WHRN: variants seen among roughly 807,000 people sequenced by gnomAD.
The protein encoded by WHRN is whirlin.
WHRN carries 41 observed loss-of-function variants against 68.3 expected under a neutral mutation model. The ratio of observed to expected loss-of-function variants is 0.60; its 90% CI spans 0.47 to 0.78. The LOEUF (loss-of-function observed/expected upper bound fraction) is 0.78. Ranked by LOEUF, WHRN falls within the 30% of genes least tolerant of loss-of-function variation. The pLI, the probability that WHRN is intolerant of heterozygous loss-of-function variation, is 0.00. For synonymous variants in WHRN, 560 were observed against 561.3 expected, an observed-to-expected ratio of 1.00 and a Z score of 0.03; for missense variants, 1,243 against 1,244.7, an observed-to-expected ratio of 1.00 and a Z score of 0.02.
intron 7 of WHRN, among the ~76,000 whole-genome samples, chr9:114,415,057 G>A (rs926305325): frequency 4.6e-5 from 7 of 152,194 alleles, no homozygotes; most frequent in African/African-American, 1.7e-4. Context: ...AGCACTTTGA[G>A]AGGCCAAGGC....
In WHRN at chr9:114,478,750, G is replaced by A; in HGVS notation, c.640C>T (p.Leu214=). ...CCTGCTGAGTACACAGACAGCACCA[G>A]CTTCTTGGAGCCCTTCAGAGCCTAG... ...AVKALKGSKK[L]VLSVYSAGRI... Residue 214 remains leucine (L), a synonymous_variant, in exon 2 of 12, where the codon CTG becomes TTG. Transcript: ENST00000362057. 1 of 1,612,138 alleles carries A rather than the reference G, an allele frequency of 6.2e-7. No individual in the cohort carries two copies. The highest frequency in any genetic ancestry group is 1.6e-4 in the Middle Eastern group (1 of 6,062).
At chr9:114,478,826 G>A in intron 1 of WHRN, 55 bp from the exon 2 acceptor site, 1 of 1,524,336 alleles carries the variant, frequency 6.6e-7, no homozygotes, top group Non-Finnish European at 8.9e-7. Flanking sequence ...GGGTGTGGAG[G>A]AACACCCTCC....
intron 1 of WHRN, among the ~76,000 whole-genome samples, chr9:114,502,447 C>G (rs1844010605): frequency 6.6e-6 from 1 of 151,916 alleles, no homozygotes; most frequent in Non-Finnish European, 1.5e-5. Flanking sequence ...GCTGGTGCTG[C>G]TCTGAGTCAC....
intron 3 of WHRN, among the ~76,000 whole-genome samples, chr9:114,448,957 T>C (rs1313189166): frequency 6.6e-6 from 1 of 152,182 alleles, no homozygotes; most frequent in Admixed American, 6.5e-5. Context: ...AAGAACCACA[T>C]TTGCTGAATC....
chr9:114,419,050 G>A (rs370316031), intron 7 of WHRN, among the ~76,000 whole-genome samples: 27 of 152,276 alleles, frequency 1.8e-4, no homozygotes, highest in African/African-American at 5.5e-4. Flanking sequence ...GAGAGAGGCA[G>A]ATAGATGACG....
In WHRN at chr9:114,403,949, T is replaced by A; in HGVS notation, c.2365A>T (p.Ser789Cys). The change falls in exon 10 of 12, where the codon AGT (serine) becomes TGT (cysteine). Residue 789 changes from serine to cysteine, a missense_variant. Coordinates refer to ENST00000362057, the MANE Select transcript of WHRN (RefSeq NM_015404.4). ...TCGTTCCGAGGCAGCTCCTTGCTAC[T>A]CCTGCTCTTGGTGGACACCGACTGC... Reference protein sequence around the residue: ...GRQSVSTKSRSSKELPRNERP... With the variant: ...GRQSVSTKSRCSKELPRNERP... 6.2e-7 allele frequency: 1 copy of A among 1,611,416 alleles called. No individual in the cohort carries two copies. The highest frequency in any genetic ancestry group is 2.2e-5 in the East Asian group (1 of 44,872).
intron 7 of WHRN, among the ~76,000 whole-genome samples, chr9:114,411,007 C>T (rs917126639): frequency 2.6e-5 from 4 of 152,234 alleles, no homozygotes; most frequent in African/African-American, 4.8e-5. Flanking sequence ...ACAGCAATAC[C>T]TGCCTTAGGC....
intron 1 of WHRN, among the ~76,000 whole-genome samples, chr9:114,503,883 G>A (rs1047034080): frequency 1.3e-5 from 2 of 152,164 alleles, no homozygotes; most frequent in Non-Finnish European, 2.9e-5. Flanking sequence ...ATGCTCATAA[G>A]AATCCACAGC....
Position 114,406,787 on chromosome 9 carries a change from G to A in WHRN, c.1804C>T (p.Leu602=), listed in dbSNP as rs1159951579. 1.9e-6 allele frequency: 3 copies of A among 1,613,836 alleles called. No homozygotes were observed. The highest frequency in any genetic ancestry group is 2.5e-6 in the Non-Finnish European group (3 of 1,179,844). Residue 602 remains leucine (L), a synonymous_variant, in exon 9 of 12, where the codon CTG becomes TTG. Transcript: ENST00000362057. ...GGTGGCTGGAGGTCCTCTCTCCCCA[G>A]CTTCCTTGGCTGGCCTAGTGGGAGG... is the stretch of plus-strand genomic sequence containing the variant. The part of the protein sequence containing the change: ...NDLPLGQPRK[L]GREDLQPPSS...
intron 7 of WHRN, among the ~76,000 whole-genome samples, chr9:114,408,605 T>TG (rs1835206953): frequency 6.6e-6 from 1 of 152,226 alleles, no homozygotes; most frequent in Non-Finnish European, 1.5e-5. Flanking sequence ...GGGCCGTCTA[T>TG]GGGGGGCCCA....
Position 114,402,676 on chromosome 9 carries a change from GA to G in WHRN, c.*77del. 1 of 1,582,942 alleles carries G rather than the reference GA, an allele frequency of 6.3e-7. No individual in the cohort carries two copies. The highest frequency in any genetic ancestry group is 1.1e-5 in the South Asian group (1 of 90,208). On this transcript the variant is annotated 3_prime_UTR_variant, in exon 12 of 12. Transcript: ENST00000362057. Reference sequence around the variant, plus strand: ...GGCCATGCAGCCCCAACCCCGCAAGGAGCTTGATGAAGCCAACGGTGGAAAG... The same window carrying G: ...GGCCATGCAGCCCCAACCCCGCAAGGGCTTGATGAAGCCAACGGTGGAAAG...
chr9:114,496,255 G>A (rs995749950), intron 1 of WHRN, among the ~76,000 whole-genome samples: 8 of 152,116 alleles, frequency 5.3e-5, no homozygotes, highest in African/African-American at 1.2e-4. Flanking sequence ...CAACTGTCTG[G>A]TATGCCACCC....
intron 1 of WHRN, among the ~76,000 whole-genome samples, chr9:114,493,032 A>G (rs896574647): frequency 6.6e-6 from 1 of 151,952 alleles, no homozygotes; most frequent in Non-Finnish European, 1.5e-5. Flanking sequence ...AAGAAAAACA[A>G]TTAAGTCCAT....
intron 1 of WHRN, among the ~76,000 whole-genome samples, chr9:114,499,525 C>T (rs189241539): frequency 6.6e-5 from 10 of 152,334 alleles, no homozygotes; most frequent in Admixed American, 5.2e-4. Flanking sequence ...GGCTTCCCTT[C>T]CAGGTCATAA....
chr9:114,462,908 A>G (rs1840360700), intron 3 of WHRN, among the ~76,000 whole-genome samples: 1 of 152,156 alleles, frequency 6.6e-6, no homozygotes, highest in South Asian at 2.1e-4. Context: ...AAAAGACACT[A>G]CTCATCAGTA....
At chr9:114,430,134 C>T (rs146041918) in intron 3 of WHRN, among the ~76,000 whole-genome samples, 81 of 152,282 alleles carry the variant, frequency 5.3e-4, no homozygotes, top group African/African-American at 1.9e-3. Context: ...ATCCAAGAGA[C>T]CAGCTACGGA....
intron 7 of WHRN, among the ~76,000 whole-genome samples, chr9:114,415,284 A>C (rs1206877689): frequency 1.3e-5 from 2 of 151,710 alleles, no homozygotes; most frequent in Admixed American, 6.5e-5. Flanking sequence ...AAAAAAAAAA[A>C]AAACACAAAC....
intron 6 of WHRN, 67 bp downstream of exon 6, chr9:114,424,267 C>CG (rs534783922): frequency 2.6e-6 from 4 of 1,567,914 alleles, no homozygotes; most frequent in Non-Finnish European, 3.5e-6. Context: ...AGCAAAGGAG[C>CG]GGGGGCAGGG....
At chr9:114,459,353 A>G (rs999666065) in intron 3 of WHRN, among the ~76,000 whole-genome samples, 5 of 152,068 alleles carry the variant, frequency 3.3e-5, no homozygotes, top group Admixed American at 6.5e-5. Context: ...AATCCCAGCT[A>G]CTCAGGAGGC....
Sources: gnomAD v4.1 joint callset for allele counts (sites outside exome capture counted in the v4.1 genomes callset) on GRCh38, gnomAD v4.1.1 for gene constraint, MANE v1.5 for transcripts, NCBI Gene and HGNC (gene_info 2026-07-23, HGNC 2026-07-21) for gene names.